TEAD1: variants seen among roughly 807,000 people sequenced by gnomAD.
TEAD1 encodes TEA domain transcription factor 1.
Under a neutral mutation model 54.9 loss-of-function variants are expected in TEAD1, and 9 were observed. The observed-to-expected ratio is 0.16, with a 90% CI of 0.10 to 0.29. The LOEUF is 0.29. Ranked by LOEUF, TEAD1 falls within the 10% of genes least tolerant of loss-of-function variation. The pLI is 1.00. For missense variants in TEAD1, 387 were observed against 535.9 expected, an observed-to-expected ratio of 0.72 and a Z score of 2.74; for synonymous variants, 200 against 187.8, an observed-to-expected ratio of 1.07 and a Z score of -0.53.
intron 5 of TEAD1, among the ~76,000 whole-genome samples, chr11:12,872,949 A>G (rs1947783895): frequency 6.6e-6 from 1 of 152,194 alleles, no homozygotes; most frequent in Non-Finnish European, 1.5e-5. Flanking sequence ...TCTTTGATTT[A>G]TAAATTAGGA....
intron 3 of TEAD1, among the ~76,000 whole-genome samples, chr11:12,788,467 C>G (rs1339312669): frequency 6.6e-6 from 1 of 152,070 alleles, no homozygotes; most frequent in Non-Finnish European, 1.5e-5. Context: ...CTTTGACAAG[C>G]CTTTTGACTT....
intron 3 of TEAD1, among the ~76,000 whole-genome samples, chr11:12,768,664 A>G (rs1014625658): frequency 1.3e-5 from 2 of 152,226 alleles, no homozygotes; most frequent in Admixed American, 6.5e-5. Flanking sequence ...ACCGTTATAC[A>G]TAAATCCAGT....
intron 2 of TEAD1, among the ~76,000 whole-genome samples, chr11:12,681,700 A>T (rs536275174): frequency 6.6e-6 from 1 of 152,342 alleles, no homozygotes; most frequent in East Asian, 1.9e-4. Flanking sequence ...TTCACCAAAT[A>T]CTTGTGTCTC....
At chr11:12,809,361 G>C (rs2133985744) in intron 3 of TEAD1, among the ~76,000 whole-genome samples, 1 of 152,290 alleles carries the variant, frequency 6.6e-6, no homozygotes. Flanking sequence ...GCATTTGAAA[G>C]ATTGAAACCC....
intron 10 of TEAD1, among the ~76,000 whole-genome samples, chr11:12,909,868 A>C (rs923444514): frequency 6.6e-6 from 1 of 152,186 alleles, no homozygotes; most frequent in East Asian, 1.9e-4. Flanking sequence ...TGTGGCATTG[A>C]AATTGTTATT....
intron 5 of TEAD1, among the ~76,000 whole-genome samples, chr11:12,872,925 C>T (rs770543974): frequency 4.6e-5 from 7 of 152,158 alleles, no homozygotes; most frequent in Non-Finnish European, 8.8e-5. Flanking sequence ...CAGTCCTGAA[C>T]AAAAGTGTTT....
intron 9 of TEAD1, among the ~76,000 whole-genome samples, chr11:12,894,963 T>A (rs1948281031): frequency 6.6e-6 from 1 of 152,198 alleles, no homozygotes; most frequent in African/African-American, 2.4e-5. Flanking sequence ...GTATACATAT[T>A]TCCACTATGG....
intron 2 of TEAD1, among the ~76,000 whole-genome samples, chr11:12,679,251 A>T (rs1347068493): frequency 6.6e-6 from 1 of 152,042 alleles, no homozygotes; most frequent in Non-Finnish European, 1.5e-5. Flanking sequence ...CTTGTTTAAA[A>T]CTGGTCTTTA....
In TEAD1 at chr11:12,944,259, C is replaced by T. The variant is rs935898610; in HGVS notation, c.*7037C>T. On this transcript the variant is annotated 3_prime_UTR_variant, in exon 13 of 13. Transcript: ENST00000527636. Reference sequence around the variant, plus strand: ...GGGGGTGGGCGTGGGCAAATTCTCACACATGTTTTCTTAACCTATTTGCAG... The same window carrying T: ...GGGGGTGGGCGTGGGCAAATTCTCATACATGTTTTCTTAACCTATTTGCAG... The T allele has an allele frequency of 2.6e-5, 4 of 152,542 alleles. No individual in the cohort carries two copies. Among genetic ancestry groups the T allele is most frequent in the African/African-American group, 9.7e-5 (4 of 41,416 alleles). 9.4% of individuals were successfully genotyped at this position (152,542 alleles called of 1,614,324 possible). A position where few individuals can be genotyped will look rare whatever the true frequency, so the allele number is the denominator to read the frequency against.
chr11:12,688,673 G>A (rs909619122), intron 2 of TEAD1, among the ~76,000 whole-genome samples: 4 of 152,194 alleles, frequency 2.6e-5, no homozygotes, highest in African/African-American at 9.6e-5. Context: ...CCTATTGGCT[G>A]TGTGATTTTG....
chr11:12,863,778 AACC>A (rs1376979623), intron 4 of TEAD1, among the ~76,000 whole-genome samples: 1 of 152,144 alleles, frequency 6.6e-6, no homozygotes, highest in Non-Finnish European at 1.5e-5. Flanking sequence ...TTCTAAATTT[AACC>A]AAGTCCCACT....
chr11:12,723,852 G>A (rs1944261023), intron 2 of TEAD1, among the ~76,000 whole-genome samples: 1 of 152,208 alleles, frequency 6.6e-6, no homozygotes, highest in Non-Finnish European at 1.5e-5. Context: ...GTTTGAGGGT[G>A]TAATCTTGGC....
rs1298104479 is a variant in TEAD1 at position 12,716,033 on chromosome 11, A to G, written c.-55+40472A>G. ...TCCCCACCTTCCCCCCAAGACTGAG[A>G]CTGTCATTTGCCCCCTTTGCATGAA... On this transcript the variant is annotated intron_variant, in intron 2 of 12. Transcript: ENST00000527636. 3.3e-5 allele frequency among the ~76,000 whole-genome samples: 5 copies of G among 150,820 alleles called. No individual in the cohort carries two copies. The East Asian group carries it at 1.0e-3, about 30-fold the overall frequency.
chr11:12,785,830 C>G (rs1442938585), intron 3 of TEAD1, among the ~76,000 whole-genome samples: 1 of 152,198 alleles, frequency 6.6e-6, no homozygotes, highest in South Asian at 2.1e-4. Flanking sequence ...TATTCAGAAC[C>G]TAGATCCAGG....
At chr11:12,922,938 A>G in intron 10 of TEAD1, 1 of 151,056 alleles carries the variant, frequency 6.6e-6, no homozygotes, top group Admixed American at 6.6e-5. Flanking sequence ...AAAAAAAAAA[A>G]AAAAAAAAAA....
intron 3 of TEAD1, among the ~76,000 whole-genome samples, chr11:12,861,122 G>A (rs1217678241): frequency 2.0e-5 from 3 of 152,234 alleles, no homozygotes; most frequent in Non-Finnish European, 4.4e-5. Flanking sequence ...AATAATTTCA[G>A]TTCCTGGTAT....
At chr11:12,775,760 G>A (rs574631077) in intron 3 of TEAD1, among the ~76,000 whole-genome samples, 7 of 152,188 alleles carry the variant, frequency 4.6e-5, no homozygotes, top group African/African-American at 1.4e-4. Flanking sequence ...TAGGAGACTC[G>A]GTTTCTATTA....
chr11:12,711,440 G>A (rs577126798), intron 2 of TEAD1, among the ~76,000 whole-genome samples: 1 of 152,308 alleles, frequency 6.6e-6, no homozygotes, highest in South Asian at 2.1e-4. Context: ...TGGTCTTTTA[G>A]CAGTTCAGCA....
intron 3 of TEAD1, among the ~76,000 whole-genome samples, chr11:12,769,103 C>G (rs556379701): frequency 6.6e-6 from 1 of 152,096 alleles, no homozygotes; most frequent in African/African-American, 2.4e-5. Context: ...TATTGACTTT[C>G]TCCTTTTGCA....
Sources: gnomAD v4.1 joint callset for allele counts (sites outside exome capture counted in the v4.1 genomes callset) on GRCh38, gnomAD v4.1.1 for gene constraint, MANE v1.5 for transcripts, NCBI Gene and HGNC (gene_info 2026-07-23, HGNC 2026-07-21) for gene names.